MYO18B: variants seen among roughly 807,000 people sequenced by gnomAD.
MYO18B encodes myosin XVIIIB, also known as unconventional myosin-XVIIIb.
In MYO18B, 204 loss-of-function variants were observed where a neutral mutation model predicts 273.0. The ratio of observed to expected loss-of-function variants is 0.75; its 90% CI spans 0.67 to 0.84. MYO18B has a LOEUF of 0.84. Ranked by LOEUF, MYO18B falls within the 40% of genes least tolerant of loss-of-function variation. The probability of loss-of-function intolerance (pLI) is 0.00; values close to 1 mark genes in which losing one functional copy is unlikely to be tolerated. For missense variants in MYO18B, 3,212 were observed against 3,287.6 expected, an observed-to-expected ratio of 0.98 and a Z score of 0.56; for synonymous variants, 1,330 against 1,305.7, an observed-to-expected ratio of 1.02 and a Z score of -0.40.
intron 42 of MYO18B, among the ~76,000 whole-genome samples, chr22:26,009,417 T>G (rs1354960587): frequency 6.6e-6 from 1 of 152,200 alleles, no homozygotes; most frequent in East Asian, 1.9e-4. Flanking sequence ...CATGTCCTCA[T>G]CCATCACCTT....
chr22:25,849,651 C>T (rs970690701), intron 20 of MYO18B, among the ~76,000 whole-genome samples: 31 of 152,274 alleles, frequency 2.0e-4, no homozygotes, highest in African/African-American at 6.3e-4. Flanking sequence ...CTGGTAGGCA[C>T]AGCTCCAACT....
At chr22:25,965,069 A>T (rs1018177586) in intron 39 of MYO18B, 1 of 152,236 alleles carries the variant, frequency 6.6e-6, no homozygotes, top group African/African-American at 2.4e-5. Flanking sequence ...ACATGGGACC[A>T]TGGGTGTGAT....
chr22:25,831,175 G>A (rs2089693632), intron 15 of MYO18B, among the ~76,000 whole-genome samples: 1 of 152,040 alleles, frequency 6.6e-6, no homozygotes, highest in African/African-American at 2.4e-5. Context: ...ATATGAGTTT[G>A]TTGTCTGTCA....
intron 7 of MYO18B, among the ~76,000 whole-genome samples, chr22:25,774,745 G>T (rs2086851327): frequency 6.6e-6 from 1 of 152,232 alleles, no homozygotes; most frequent in South Asian, 2.1e-4. Context: ...GATGGGCTGG[G>T]TGGGGTCTGG....
intron 20 of MYO18B, among the ~76,000 whole-genome samples, chr22:25,850,149 A>G (rs572876855): frequency 6.6e-6 from 1 of 152,222 alleles, no homozygotes; most frequent in South Asian, 2.1e-4. Flanking sequence ...AGCCACACAA[A>G]CAATTGCTGT....
intron 25 of MYO18B, among the ~76,000 whole-genome samples, chr22:25,879,309 A>G (rs1426900118): frequency 1.0e-5 from 1 of 99,364 alleles, no homozygotes; most frequent in Non-Finnish European, 2.1e-5. Context: ...TCCTTAAACT[A>G]GAAAATGTGT....
intron 27 of MYO18B, chr22:25,894,945 T>G: frequency 1.8e-6 from 1 of 543,914 alleles, no homozygotes; most frequent in Non-Finnish European, 3.2e-6. Context: ...CTTTAGACAG[T>G]TGGAGGTGGT....
At chr22:26,036,506 A>C in the MYO18B span, among the ~76,000 whole-genome samples, 3 of 152,084 alleles carry the variant, frequency 2.0e-5, no homozygotes, top group Admixed American at 1.3e-4. Flanking sequence ...GCTCCTTTGT[A>C]AATAGCTGCA....
chr22:25,793,134 G>T (rs2087753097), intron 11 of MYO18B, among the ~76,000 whole-genome samples: 1 of 152,230 alleles, frequency 6.6e-6, no homozygotes, highest in Non-Finnish European at 1.5e-5. Flanking sequence ...CGTTTATTGA[G>T]TACCACTGTG....
intron 25 of MYO18B, chr22:25,884,945 C>G (rs1019859596): frequency 6.6e-6 from 1 of 152,162 alleles, no homozygotes; most frequent in East Asian, 1.9e-4. Context: ...CAAGCCACAT[C>G]ACCACTATTA....
At chr22:25,924,000 C>T (rs2092385645) in intron 34 of MYO18B, among the ~76,000 whole-genome samples, 2 of 152,114 alleles carry the variant, frequency 1.3e-5, no homozygotes, top group Admixed American at 6.5e-5. Flanking sequence ...TCTGAAAGTC[C>T]TTCTTCCTAG....
At chr22:25,953,358 G>A (rs982292443) in intron 38 of MYO18B, among the ~76,000 whole-genome samples, 38 of 152,324 alleles carry the variant, frequency 2.5e-4, no homozygotes, top group Admixed American at 2.1e-3. Context: ...CAGGCAGTGC[G>A]TGGGATAAGG....
In MYO18B at chr22:25,925,461, G is replaced by A. The variant is rs374257980; in HGVS notation, c.5517+4052G>A. On this transcript the variant is annotated intron_variant, in intron 34 of 43. Coordinates refer to ENST00000335473, the MANE Select transcript of MYO18B (RefSeq NM_032608.7). ...TATTTTAAAATTAGTTAATTTTTGA[G>A]TAGAGAAAACTGGATCCAGCACTTG... 5.6e-4 allele frequency among the ~76,000 whole-genome samples: 86 copies of A among 152,262 alleles called. No individual in the cohort carries two copies. The South Asian group carries it at 0.017, about 31-fold the overall frequency.
At chr22:25,888,127 A>C (rs891558476) in intron 25 of MYO18B, among the ~76,000 whole-genome samples, 1 of 152,094 alleles carries the variant, frequency 6.6e-6, no homozygotes, top group African/African-American at 2.4e-5. Context: ...TTAGGAGGAG[A>C]CCCTGGCAGT....
Position 26,027,006 on chromosome 22 carries a change from G to A in MYO18B, c.7032G>A (p.Ser2344=), listed in dbSNP as rs751381115. Residue 2344 remains serine (S), a synonymous_variant, in exon 43 of 44, where the codon TCG becomes TCA. Transcript: ENST00000335473. This position sits in a 1 kb window ranked among gnomAD's most constrained non-coding sequence, Gnocchi z 4.1. ...VGGTTLLPEK[S]KTQFSSCESL... ...GCACAACCCTACTCCCCGAAAAGTC[G>A]AAAACCCAATTCAGTTCCTGCGAGT... 6.8e-6 allele frequency: 11 copies of A among 1,613,914 alleles called. No individual in the cohort carries two copies. The highest frequency in any genetic ancestry group is 4.5e-5 in the East Asian group (2 of 44,876).
Position 25,772,415 on chromosome 22 carries a change from CT to C in MYO18B, c.1775del (p.Leu592ArgfsTer17). 6.2e-7 allele frequency: 1 copy of C among 1,614,040 alleles called. No individual in the cohort carries two copies. The highest frequency in any genetic ancestry group is 8.5e-7 in the Non-Finnish European group (1 of 1,179,898). Reference sequence around the variant, plus strand: ...CGAATCCAGTGTCCTGAACACGCTTCTGCAGCGCTACAAAGCTCAGCTGCTG... The same window carrying C: ...CGAATCCAGTGTCCTGAACACGCTTCGCAGCGCTACAAAGCTCAGCTGCTG... ...VNESSVLNTL[L>X]QRYKAQLLHT... On this transcript the variant is annotated frameshift_variant, in exon 7 of 44. Transcript: ENST00000335473. LOFTEE classifies it high-confidence loss of function.
chr22:25,963,434 C>A (rs1418263303), intron 39 of MYO18B, among the ~76,000 whole-genome samples: 1 of 151,082 alleles, frequency 6.6e-6, no homozygotes, highest in Non-Finnish European at 1.5e-5. Context: ...GGCCTGTGGG[C>A]TGCATCATGC....
chr22:25,851,023 T>A (rs971638853), intron 20 of MYO18B, among the ~76,000 whole-genome samples: 1 of 152,192 alleles, frequency 6.6e-6, no homozygotes, highest in Non-Finnish European at 1.5e-5. Context: ...TGCAGCATGC[T>A]TCACATACAG....
chr22:25,864,700 A>G (rs1329502908), intron 21 of MYO18B, among the ~76,000 whole-genome samples: 1 of 152,214 alleles, frequency 6.6e-6, no homozygotes, highest in Admixed American at 6.5e-5. Flanking sequence ...TAAAATGGGC[A>G]TGAATTAGTA....
Sources: allele counts gnomAD v4.1 joint callset (sites outside exome capture counted in the v4.1 genomes callset), GRCh38; gene constraint gnomAD v4.1.1; non-coding constraint Gnocchi (gnomAD v3.1); transcripts MANE v1.5; gene names NCBI Gene and HGNC (gene_info 2026-07-23, HGNC 2026-07-21).